NTRK3: variants seen among roughly 807,000 people sequenced by gnomAD.
The protein encoded by NTRK3 is neurotrophic receptor tyrosine kinase 3.
Under a neutral mutation model 91.7 loss-of-function variants are expected in NTRK3, and 24 were observed. The ratio of observed to expected loss-of-function variants is 0.26; its 90% CI spans 0.19 to 0.37. The LOEUF (loss-of-function observed/expected upper bound fraction) is 0.37. NTRK3 is among the 10% of genes least tolerant of loss of function. The pLI is 1.00. For missense variants in NTRK3, 880 were observed against 1,068.9 expected (o/e 0.82, Z 2.46); for synonymous variants, 483 against 404.0 (o/e 1.20, Z -2.34).
At chr15:88,135,278 G>A (rs373935634) in exon 10 of NTRK3, 283 of 1,614,152 alleles carry the variant, frequency 1.8e-4, no homozygotes, top group East Asian at 2.5e-4. Flanking sequence ...TTGGACTCCC[G>A]CAGAGGCTGC....
chr15:87,879,602 A>C lies in NTRK3; in HGVS notation c.2292+668T>G, dbSNP rs150194994. On this transcript the variant is annotated intron_variant, in intron 18 of 18. Coordinates refer to ENST00000394480, the Ensembl canonical transcript of NTRK3. ...TGTTTTTGCAAAAATTACTGAATTA[A>C]TAGAGCTAACATGCTTAGAAAAGTG... Among the ~76,000 whole-genome samples, 689 of 152,310 alleles carry C rather than the reference A, an allele frequency of 4.5e-3. 5 individuals carry two copies. Among genetic ancestry groups the C allele is most frequent in the African/African-American group, 0.016 (644 of 41,548 alleles).
chr15:88,179,507 G>A (rs925466438), intron 5 of NTRK3, among the ~76,000 whole-genome samples: 2 of 152,170 alleles, frequency 1.3e-5, no homozygotes, highest in African/African-American at 4.8e-5. Context: ...TGAAAACCAC[G>A]AAGAGCTCTA....
chr15:88,246,088 C>T (rs1031012397), intron 3 of NTRK3, among the ~76,000 whole-genome samples: 1 of 152,178 alleles, frequency 6.6e-6, no homozygotes, highest in Non-Finnish European at 1.5e-5. Flanking sequence ...GAGCTCCACA[C>T]CCACCCCAAA....
In NTRK3 at chr15:87,927,713, C is replaced by G. The variant is rs1271015066; in HGVS notation, c.2133+1478G>C. On this transcript the variant is annotated intron_variant, in intron 17 of 18. Transcript: ENST00000394480. ...CTTCTGCCATATGGAGAAGACACAGCAAGCAGATGGCCATCTATAAATGAG... is the reference window on the plus strand; with the variant it reads ...CTTCTGCCATATGGAGAAGACACAGGAAGCAGATGGCCATCTATAAATGAG... 8 of 152,290 alleles carry G rather than the reference C, an allele frequency of 5.3e-5. No homozygotes were observed. The East Asian group carries it at 1.2e-3, about 22-fold the overall frequency. The allele number at this position is 152,290 out of a possible 1,614,324, so 9.4% of individuals were successfully genotyped here. A position where few individuals can be genotyped will look rare whatever the true frequency, so the allele number is the denominator to read the frequency against.
At chr15:88,055,487 A>T (rs1035579686) in intron 13 of NTRK3, among the ~76,000 whole-genome samples, 1 of 152,162 alleles carries the variant, frequency 6.6e-6, no homozygotes, top group Admixed American at 6.5e-5. Flanking sequence ...ACCCTTGAAA[A>T]CATCATCATC....
intron 14 of NTRK3, among the ~76,000 whole-genome samples, chr15:88,031,860 A>G (rs2078569073): frequency 6.6e-6 from 1 of 152,098 alleles, no homozygotes; most frequent in African/African-American, 2.4e-5. Context: ...AGCAAGACCA[A>G]AAAGCGCCTC....
At chr15:88,058,842 C>G (rs1432684476) in intron 13 of NTRK3, among the ~76,000 whole-genome samples, 1 of 152,132 alleles carries the variant, frequency 6.6e-6, no homozygotes, top group Non-Finnish European at 1.5e-5. Flanking sequence ...TGATAATTAT[C>G]ATGATGATGG....
chr15:88,001,802 T>C (rs189941815), intron 14 of NTRK3, among the ~76,000 whole-genome samples: 14 of 152,242 alleles, frequency 9.2e-5, no homozygotes, highest in Non-Finnish European at 1.5e-4. Context: ...TTTTTCAGGT[T>C]TGTTAGGCTA....
chr15:88,119,451 C>G (rs1039791538), intron 13 of NTRK3, among the ~76,000 whole-genome samples: 1 of 152,066 alleles, frequency 6.6e-6, no homozygotes, highest in Non-Finnish European at 1.5e-5. Context: ...TTTGAGGAAG[C>G]GGGGTGGTTG....
chr15:88,239,328 C>T (rs1366607301), intron 3 of NTRK3, among the ~76,000 whole-genome samples: 2 of 152,150 alleles, frequency 1.3e-5, no homozygotes, highest in East Asian at 3.8e-4. Flanking sequence ...AGGCAGGACT[C>T]CAAAGAGGAG....
At chr15:88,053,810 G>A (rs182514758) in intron 13 of NTRK3, among the ~76,000 whole-genome samples, 22 of 152,188 alleles carry the variant, frequency 1.4e-4, no homozygotes, top group African/African-American at 5.3e-4. Context: ...TCAGACATGG[G>A]TACAAATACC....
chr15:87,951,496 A>G (rs2071102071), intron 14 of NTRK3, among the ~76,000 whole-genome samples: 1 of 152,216 alleles, frequency 6.6e-6, no homozygotes, highest in Non-Finnish European at 1.5e-5. Context: ...TAGACTTCCT[A>G]CATTCACCAG....
rs1255627941 is a variant in NTRK3 at position 88,015,805 on chromosome 15, CTA to C, written c.1585+17050_1585+17051del. On this transcript the variant is annotated intron_variant, in intron 14 of 18. Coordinates refer to ENST00000394480, the Ensembl canonical transcript of NTRK3. ...CTTTGTACTCAGTTTTTCTCCTGCACTATGTTTATTCTGGAGTTGGCACTGTA... is the reference window on the plus strand; with the variant it reads ...CTTTGTACTCAGTTTTTCTCCTGCACTGTTTATTCTGGAGTTGGCACTGTA... 2.6e-5 allele frequency among the ~76,000 whole-genome samples: 4 copies of C among 152,078 alleles called. No individual in the cohort carries two copies. In the East Asian group the frequency reaches 7.7e-4, roughly 29 times the overall value.
chr15:88,179,049 C>T (rs1325759433), intron 5 of NTRK3, among the ~76,000 whole-genome samples: 1 of 152,236 alleles, frequency 6.6e-6, no homozygotes, highest in East Asian at 1.9e-4. Context: ...TCAGTTATAA[C>T]TTCTGAGCTT....
At chr15:88,038,131 G>T (rs1392903881) in intron 13 of NTRK3, among the ~76,000 whole-genome samples, 1 of 152,168 alleles carries the variant, frequency 6.6e-6, no homozygotes, top group Non-Finnish European at 1.5e-5. Flanking sequence ...CCTTTTTAAA[G>T]ATGTTCCTCT....
intron 3 of NTRK3, among the ~76,000 whole-genome samples, chr15:88,236,630 G>C (rs1224014734): frequency 1.4e-5 from 2 of 147,208 alleles, no homozygotes; most frequent in African/African-American, 2.5e-5. Context: ...GGACTTTGGA[G>C]ACTCAGAAGG....
At chr15:88,135,025 C>T in intron 10 of NTRK3, 76 bp downstream of exon 10, 1 of 1,550,876 alleles carries the variant, frequency 6.4e-7, no homozygotes, top group East Asian at 2.2e-5. Flanking sequence ...TGCTTCTCCT[C>T]TCAAGCTACC....
exon 19 of NTRK3, chr15:87,873,462 T>C: frequency 4.3e-6 from 1 of 231,272 alleles, no homozygotes; most frequent in Non-Finnish European, 8.6e-6. Context: ...CAGGTCACTC[T>C]CACTCAGTCC....
rs111441975 is a variant in NTRK3 at position 87,946,982 on chromosome 15, A to G, written c.1586-6229T>C. On this transcript the variant is annotated intron_variant, in intron 14 of 18. Coordinates refer to ENST00000394480, the Ensembl canonical transcript of NTRK3. ...CTGCAACCTCCGCCACACAAGTTCA[A>G]GCAATTCTGCCTCAGACTCCCGAGT... Among the ~76,000 whole-genome samples the G allele has an allele frequency of 6.1e-3, 921 of 149,864 alleles. 7 individuals are homozygous for G. The highest frequency in any genetic ancestry group is 0.031 in the Middle Eastern group (9 of 286).
Sources: gnomAD v4.1 joint callset for allele counts (sites outside exome capture counted in the v4.1 genomes callset) on GRCh38, gnomAD v4.1.1 for gene constraint, MANE v1.5 for transcripts, NCBI Gene and HGNC (gene_info 2026-07-23, HGNC 2026-07-21) for gene names.